Variants in DEK observed in about 807,000 individuals in gnomAD.
DEK encodes the protein protein DEK.
DEK carries 28 observed loss-of-function variants against 46.8 expected under a neutral mutation model. The observed-to-expected ratio is 0.60, with a 90% CI of 0.44 to 0.82. DEK has a LOEUF of 0.82. DEK is among the 40% of genes least tolerant of loss of function. The probability of loss-of-function intolerance (pLI) is 0.00; values close to 1 mark genes in which losing one functional copy is unlikely to be tolerated. For missense variants in DEK, 416 were observed against 430.6 expected, an observed-to-expected ratio of 0.97 and a Z score of 0.30; for synonymous variants, 160 against 144.5, an observed-to-expected ratio of 1.11 and a Z score of -0.77.
intron 6 of DEK, among the ~76,000 whole-genome samples, chr6:18,252,522 A>G (rs973150553): frequency 8.0e-5 from 12 of 150,266 alleles, no homozygotes; most frequent in Non-Finnish European, 4.4e-5. Context: ...AAAAAAAAAA[A>G]AAAAAAAAAA....
chr6:18,245,925 G>T (rs1791093228), intron 7 of DEK, among the ~76,000 whole-genome samples: 1 of 152,232 alleles, frequency 6.6e-6, no homozygotes, highest in Admixed American at 6.5e-5. Flanking sequence ...CACCAGATCT[G>T]ATGGTTTTAT....
chr6:18,256,847 A>G (rs214520), intron 4 of DEK, among the ~76,000 whole-genome samples: 44,172 of 152,054 alleles, frequency 0.29, 7,259 homozygotes, highest in African/African-American at 0.43. Context: ...CCAAATCAAG[A>G]AGGACTTTAT....
chr6:18,257,850 T>G lies in DEK; in HGVS notation c.357+103A>C. 9.3e-6 allele frequency: 7 copies of G among 756,462 alleles called. No individual in the cohort carries two copies. The South Asian group carries it at 1.5e-4, about 16-fold the overall frequency. 46.9% of individuals were successfully genotyped at this position (756,462 alleles called of 1,614,324 possible). A position where few individuals can be genotyped will look rare whatever the true frequency, so the allele number is the denominator to read the frequency against. The stretch of plus-strand genomic sequence containing the variant: ...TAAGTATATACCTCAGTCTGCTCAG[T>G]CATAAAGTGTGGAAATTGAACTAGT... On this transcript the variant is annotated intron_variant, in intron 4 of 10. Coordinates refer to ENST00000652689, the MANE Select transcript of DEK (RefSeq NM_003472.4).
chr6:18,244,687 A>G, intron 7 of DEK: 1 of 589,956 alleles, frequency 1.7e-6, no homozygotes, highest in Non-Finnish European at 2.6e-6. Flanking sequence ...TCAGAATGCC[A>G]AGAGGAAAGA....
At chr6:18,236,718 A>G (rs1790666286) in intron 8 of DEK, 118 bp from the exon 9 acceptor site, 2 of 647,392 alleles carry the variant, frequency 3.1e-6, no homozygotes, top group Middle Eastern at 4.6e-4. Flanking sequence ...CAAAAAAATT[A>G]TAAATCACTA....
intron 2 of DEK, among the ~76,000 whole-genome samples, chr6:18,262,426 C>CTA (rs1791917923): frequency 2.0e-5 from 3 of 152,100 alleles, no homozygotes. Context: ...ACAAACACCT[C>CTA]AAATTAGTAA....
chr6:18,225,929 C>T lies in DEK; in HGVS notation c.1117-199G>A. Reference sequence around the variant, plus strand: ...TTTGTGAGAGCAACGTTGAGATGCCCAGCTACCCAGGTACACCATGAGGCC... The same window carrying T: ...TTTGTGAGAGCAACGTTGAGATGCCTAGCTACCCAGGTACACCATGAGGCC... On this transcript the variant is annotated intron_variant, in intron 10 of 10. Transcript: ENST00000652689. 3 of 706,818 alleles carry T rather than the reference C, an allele frequency of 4.2e-6. No individual in the cohort carries two copies. In the East Asian group the frequency reaches 8.6e-5, roughly 20 times the overall value. The allele number at this position is 706,818 out of a possible 1,614,324, so 43.8% of individuals were successfully genotyped here.
chr6:18,244,558 G>A (rs1301316694), intron 7 of DEK: 7 of 1,289,014 alleles, frequency 5.4e-6, no homozygotes, highest in African/African-American at 1.5e-5. Flanking sequence ...CAAAAAAGAC[G>A]CCTGTCACAG....
At chr6:18,246,314 G>A (rs576929958) in intron 7 of DEK, among the ~76,000 whole-genome samples, 1 of 152,278 alleles carries the variant, frequency 6.6e-6, no homozygotes, top group East Asian at 1.9e-4. Context: ...CAAGAGACAA[G>A]CTAATAAGGA....
chr6:18,225,624 G>A lies in DEK; in HGVS notation c.*95C>T, dbSNP rs1393901425. Reference sequence around the variant, plus strand: ...AGTTCTACTAACGTTGCTTAACAAGGATTTAGAAAAGGAAATACATTCTCT... The same window carrying A: ...AGTTCTACTAACGTTGCTTAACAAGAATTTAGAAAAGGAAATACATTCTCT... On this transcript the variant is annotated 3_prime_UTR_variant, in exon 11 of 11. Transcript: ENST00000652689. 7.0e-7 allele frequency: 1 copy of A among 1,418,806 alleles called. No homozygotes were observed. Among genetic ancestry groups the A allele is most frequent in the Admixed American group, 2.1e-5 (1 of 48,714 alleles). The allele number at this position is 1,418,806 out of a possible 1,614,324, so 87.9% of individuals were successfully genotyped here.
intron 2 of DEK, among the ~76,000 whole-genome samples, chr6:18,260,755 C>T (rs1306853597): frequency 6.6e-6 from 1 of 152,128 alleles, no homozygotes; most frequent in Non-Finnish European, 1.5e-5. Context: ...AATCCAGGCC[C>T]TTTGGGAGGC....
intron 9 of DEK, among the ~76,000 whole-genome samples, chr6:18,235,975 G>A (rs1345557045): frequency 6.6e-6 from 1 of 152,240 alleles, no homozygotes; most frequent in East Asian, 1.9e-4. Context: ...GAATCCCTAT[G>A]GAATCATATT....
intron 9 of DEK, among the ~76,000 whole-genome samples, chr6:18,228,629 G>T (rs1421343156): frequency 1.3e-5 from 2 of 152,176 alleles, no homozygotes; most frequent in Non-Finnish European, 2.9e-5. Flanking sequence ...CCTAGCCAAA[G>T]GAAGCTGTGA....
intron 7 of DEK, among the ~76,000 whole-genome samples, chr6:18,239,797 T>C (rs1310444502): frequency 1.3e-5 from 2 of 152,142 alleles, no homozygotes; most frequent in Non-Finnish European, 2.9e-5. Context: ...AGTTTTAAGG[T>C]TCATTAAGTG....
At chr6:18,237,317 A>G (rs1790696880) in intron 8 of DEK, 64 bp downstream of exon 8, 1 of 1,529,240 alleles carries the variant, frequency 6.5e-7, no homozygotes. Flanking sequence ...CTTAAATACT[A>G]TGTACAACAT....
chr6:18,256,434 C>T lies in DEK; in HGVS notation c.379G>A (p.Val127Met). The change falls in exon 5 of 11, where the codon GTG becomes ATG. Residue 127 changes from valine (V) to methionine (M), a missense_variant. By Grantham distance (21) the Val-to-Met change is conservative (BLOSUM62 1). Transcript: ENST00000652689. Reference sequence around the variant, plus strand: ...AATGGAAAGCCACTGAACTGACCCACATTCTTCTTTAATGAGGACACCTGA... The same window carrying T: ...AATGGAAAGCCACTGAACTGACCCATATTCTTCTTTAATGAGGACACCTGA... ...PGTVSSLKKNVGQFSGFPFEK... is the reference protein window; with the variant it reads ...PGTVSSLKKNMGQFSGFPFEK... 6.2e-7 allele frequency: 1 copy of T among 1,612,976 alleles called. No individual in the cohort carries two copies. Among genetic ancestry groups the T allele is most frequent in the Non-Finnish European group, 8.5e-7 (1 of 1,179,522 alleles).
chr6:18,235,678 G>A (rs962582772), intron 9 of DEK, among the ~76,000 whole-genome samples: 4 of 151,970 alleles, frequency 2.6e-5, no homozygotes, highest in Non-Finnish European at 1.5e-5. Context: ...TGGTAGAGAC[G>A]GGATCTCACT....
intron 6 of DEK, among the ~76,000 whole-genome samples, chr6:18,250,423 C>A (rs1017962876): frequency 6.6e-6 from 1 of 151,942 alleles, no homozygotes; most frequent in African/African-American, 2.4e-5. Flanking sequence ...GAGCCGAGAT[C>A]GCGCCACTGC....
intron 6 of DEK, among the ~76,000 whole-genome samples, chr6:18,253,623 TAG>T (rs1791485547): frequency 1.3e-5 from 2 of 152,198 alleles, no homozygotes; most frequent in Admixed American, 6.5e-5. Context: ...ACAACTTATG[TAG>T]AGTTTTGGTA....
Sources: allele counts gnomAD v4.1 joint callset (sites outside exome capture counted in the v4.1 genomes callset), GRCh38; gene constraint gnomAD v4.1.1; transcripts MANE v1.5; gene names NCBI Gene and HGNC (gene_info 2026-07-23, HGNC 2026-07-21).